The following SERGEF variants were observed in gnomAD, a reference collection of about 807,000 sequenced individuals.
SERGEF encodes the protein secretion regulating guanine nucleotide exchange factor.
SERGEF carries 51 observed loss-of-function variants against 50.0 expected under a neutral mutation model. The observed-to-expected ratio is 1.02, with a 90% confidence interval of 0.81 to 1.29. The LOEUF is 1.29. Ranked by LOEUF, SERGEF falls within the 50% of genes most tolerant of loss-of-function variation. The probability of loss-of-function intolerance (pLI) is 0.00; values close to 1 mark genes in which losing one functional copy is unlikely to be tolerated. For synonymous variants in SERGEF, 205 were observed against 212.4 expected (o/e 0.97, Z 0.30); for missense variants, 521 against 557.0 (o/e 0.94, Z 0.65).
intron 1 of SERGEF, chr11:18,010,273 A>G (rs1046231319): frequency 3.3e-6 from 1 of 300,790 alleles, no homozygotes; most frequent in Non-Finnish European, 6.3e-6. Flanking sequence ...AAGATGGAAG[A>G]GTAAGCCATA....
chr11:17,890,848 G>T (rs1851519639), intron 9 of SERGEF, among the ~76,000 whole-genome samples: 1 of 152,170 alleles, frequency 6.6e-6, no homozygotes, highest in African/African-American at 2.4e-5. Context: ...GCAAAAAAAA[G>T]TGCTCAAAAA....
Position 17,959,575 on chromosome 11 carries a change from C to G in SERGEF, c.906G>C (p.Glu302Asp). Residue 302 changes from glutamate to aspartate, a missense_variant, in exon 9 of 11, where the codon GAG becomes GAC. By Grantham distance (45) the Glu-to-Asp change is conservative (BLOSUM62 2). Coordinates refer to ENST00000265965, the MANE Select transcript of SERGEF (RefSeq NM_012139.4). ...ADYGQLGRKLETYEGWKLEKQ... is the reference protein window; with the variant it reads ...ADYGQLGRKLDTYEGWKLEKQ... ...TTTCTAGTTTCCAGCCTTCATAAGT[C>G]TCCAACTTCCTCCCTAGCTGACCAT... is the stretch of plus-strand genomic sequence containing the variant. 1 of 1,614,138 alleles carries G rather than the reference C, an allele frequency of 6.2e-7. No homozygotes were observed.
rs59805347 is a variant in SERGEF, at chr11:17,890,026, CAAAAA to C, written c.1012-11787_1012-11783del. ...TACTGTAGGTAAGTTACACTTCAAC[CAAAAA>C]AAAAAAAAAAAAAAAAAGACAGGAT... On this transcript the variant is annotated intron_variant, in intron 9 of 10. Coordinates refer to ENST00000265965, the MANE Select transcript of SERGEF (RefSeq NM_012139.4). Among the ~76,000 whole-genome samples, 135 of 73,972 alleles carry C rather than the reference CAAAAA, an allele frequency of 1.8e-3. 1 individual carries two copies. Among genetic ancestry groups the C allele is most frequent in the Middle Eastern group, 7.4e-3 (1 of 136 alleles). 48.5% of individuals were successfully genotyped at this position (73,972 alleles called of 152,430 possible).
At chr11:17,955,088 T>C (rs969251895) in intron 9 of SERGEF, among the ~76,000 whole-genome samples, 5 of 152,224 alleles carry the variant, frequency 3.3e-5, no homozygotes, top group African/African-American at 9.6e-5. Flanking sequence ...CATCACAAGT[T>C]AAAAGTGATC....
At chr11:17,837,437 T>C (rs569972513) in intron 10 of SERGEF, among the ~76,000 whole-genome samples, 6 of 151,346 alleles carry the variant, frequency 4.0e-5, no homozygotes, top group Admixed American at 6.6e-5. Context: ...GGGGAGTGAG[T>C]TGTCACTCTA....
chr11:17,878,248 T>TAAAA lies in SERGEF; in HGVS notation c.1012-8_1012-5dup. On this transcript the variant is annotated splice_polypyrimidine_tract_variant and splice_region_variant and intron_variant, in intron 9 of 10. Transcript: ENST00000265965. ...TATGCTCTGAGCCACAAGAGACCTG[T>TAAAA]AAAAAAAAAAAAAGACAAAGAAAAT... is the stretch of plus-strand genomic sequence containing the variant. 3 of 1,345,618 alleles carry TAAAA rather than the reference T, an allele frequency of 2.2e-6. No homozygotes were observed. Among genetic ancestry groups the TAAAA allele is most frequent in the African/African-American group, 3.0e-5 (2 of 65,674 alleles). 83.4% of individuals were successfully genotyped at this position (1,345,618 alleles called of 1,614,324 possible).
intron 10 of SERGEF, among the ~76,000 whole-genome samples, chr11:17,850,397 A>G (rs182867987): frequency 6.6e-6 from 1 of 152,294 alleles, no homozygotes; most frequent in East Asian, 1.9e-4. Context: ...TACTCCCAAC[A>G]CACACGTACA....
At chr11:17,999,517 A>C (rs1853914445) in intron 5 of SERGEF, 5 of 453,758 alleles carry the variant, frequency 1.1e-5, no homozygotes, top group Non-Finnish European at 2.2e-5. Flanking sequence ...CCTCCACTCC[A>C]CAAGTGGACT....
chr11:17,834,792 T>C (rs999527221), intron 10 of SERGEF, among the ~76,000 whole-genome samples: 1 of 152,236 alleles, frequency 6.6e-6, no homozygotes, highest in African/African-American at 2.4e-5. Flanking sequence ...ATGGATCTCT[T>C]TTACGTTTTT....
In SERGEF at chr11:18,004,542, A is replaced by G; in HGVS notation, c.353-7T>C. The G allele has an allele frequency of 1.3e-6, 2 of 1,593,876 alleles. No individual in the cohort carries two copies. The highest frequency in any genetic ancestry group is 1.7e-6 in the Non-Finnish European group (2 of 1,163,900). ...GATAGAACTTGACCATTTTCTGCAAAATACAAATACTTAAATTGCAAATCT... is the reference window on the plus strand; with the variant it reads ...GATAGAACTTGACCATTTTCTGCAAGATACAAATACTTAAATTGCAAATCT... On this transcript the variant is annotated splice_polypyrimidine_tract_variant and splice_region_variant and intron_variant, in intron 3 of 10. Coordinates refer to ENST00000265965, the MANE Select transcript of SERGEF (RefSeq NM_012139.4).
intron 9 of SERGEF, among the ~76,000 whole-genome samples, chr11:17,879,199 C>T (rs1213355053): frequency 1.3e-5 from 2 of 152,188 alleles, no homozygotes; most frequent in East Asian, 3.8e-4. Flanking sequence ...TCCAGAGTTT[C>T]CAACCAGTGG....
intron 10 of SERGEF, among the ~76,000 whole-genome samples, chr11:17,814,461 T>C (rs549888587): frequency 1.3e-5 from 2 of 152,332 alleles, no homozygotes; most frequent in East Asian, 1.9e-4. Flanking sequence ...TTCAAATCAA[T>C]GGCACTCTCT....
At chr11:18,008,889 A>G (rs543894927) in intron 1 of SERGEF, among the ~76,000 whole-genome samples, 4 of 152,270 alleles carry the variant, frequency 2.6e-5, no homozygotes, top group Admixed American at 2.6e-4. Flanking sequence ...TTCCAGGAGA[A>G]GCTGCTCACA....
At chr11:17,867,022 C>G (rs1488087663) in intron 10 of SERGEF, among the ~76,000 whole-genome samples, 1 of 152,218 alleles carries the variant, frequency 6.6e-6, no homozygotes, top group African/African-American at 2.4e-5. Context: ...CATGGGAATT[C>G]AAGATGAGAT....
At chr11:17,982,993 G>A (rs1287350649) in intron 8 of SERGEF, among the ~76,000 whole-genome samples, 2 of 152,180 alleles carry the variant, frequency 1.3e-5, no homozygotes, top group African/African-American at 4.8e-5. Context: ...TTTGCAAAGT[G>A]AGGAAGTTGC....
chr11:17,975,961 T>A (rs544980638), intron 8 of SERGEF, among the ~76,000 whole-genome samples: 1 of 152,210 alleles, frequency 6.6e-6, no homozygotes. Flanking sequence ...GTTGAACAAA[T>A]GAGTGAAGGA....
chr11:17,825,575 C>T (rs970660103), intron 10 of SERGEF, among the ~76,000 whole-genome samples: 6 of 152,194 alleles, frequency 3.9e-5, no homozygotes, highest in African/African-American at 1.4e-4. Flanking sequence ...AAATCCTAGT[C>T]AACGTTCCTC....
At chr11:17,824,192 T>A (rs989047930) in intron 10 of SERGEF, among the ~76,000 whole-genome samples, 1 of 151,888 alleles carries the variant, frequency 6.6e-6, no homozygotes, top group African/African-American at 2.4e-5. Flanking sequence ...TCCTAGCTAC[T>A]CAGGAGGCTG....
At chr11:17,925,083 T>C (rs563288945) in intron 9 of SERGEF, among the ~76,000 whole-genome samples, 2 of 152,260 alleles carry the variant, frequency 1.3e-5, no homozygotes, top group South Asian at 2.1e-4. Context: ...TTTTAAGCCA[T>C]TTACAGGAAC....
Sources: gnomAD v4.1 joint callset for allele counts (sites outside exome capture counted in the v4.1 genomes callset) on GRCh38, gnomAD v4.1.1 for gene constraint, MANE v1.5 for transcripts, NCBI Gene and HGNC (gene_info 2026-07-23, HGNC 2026-07-21) for gene names.